Variants in FNDC3B observed in about 807,000 individuals in gnomAD.
The protein encoded by FNDC3B is fibronectin type III domain-containing protein 3B.
In FNDC3B, 12 loss-of-function variants were observed where a neutral mutation model predicts 151.5. The observed-to-expected ratio is 0.08, with a 90% CI of 0.05 to 0.13. The LOEUF (loss-of-function observed/expected upper bound fraction) is 0.13, where lower values mean the gene tolerates loss of function less well. Among genes scored for constraint, FNDC3B ranks in the 10% least tolerant of loss-of-function variants. The probability of loss-of-function intolerance (pLI) is 1.00; values close to 1 mark genes in which losing one functional copy is unlikely to be tolerated. For synonymous variants in FNDC3B, 528 were observed against 549.0 expected, an observed-to-expected ratio of 0.96 and a Z score of 0.54; for missense variants, 1,214 against 1,505.3, an observed-to-expected ratio of 0.81 and a Z score of 3.20.
At chr3:172,304,697 G>C (rs1731102763) in intron 9 of FNDC3B, among the ~76,000 whole-genome samples, 1 of 152,102 alleles carries the variant, frequency 6.6e-6, no homozygotes, top group Non-Finnish European at 1.5e-5. Flanking sequence ...AGGTGTTCAA[G>C]ACCAGCCTGG....
At chr3:172,387,336 G>C (rs148676746) in intron 25 of FNDC3B, among the ~76,000 whole-genome samples, 1,937 of 152,122 alleles carry the variant, frequency 0.013, 44 homozygotes, top group African/African-American at 0.044. Context: ...AACCTCCAGT[G>C]ATCCACCCGC....
chr3:172,163,660 A>G (rs914988288), intron 3 of FNDC3B, among the ~76,000 whole-genome samples: 1 of 151,596 alleles, frequency 6.6e-6, no homozygotes, highest in South Asian at 2.1e-4. Context: ...CTGTTCGTTC[A>G]TTTTTTTTCT....
intron 25 of FNDC3B, among the ~76,000 whole-genome samples, chr3:172,394,107 A>T (rs1357401124): frequency 3.1e-4 from 14 of 45,542 alleles, no homozygotes; most frequent in Admixed American, 2.9e-4. Context: ...GACTCCTTCT[A>T]AAAAAAAAAA....
chr3:172,251,538 C>G lies in FNDC3B; in HGVS notation c.787C>G (p.Gln263Glu). The G allele has an allele frequency of 6.2e-7, 1 of 1,608,352 alleles. No individual in the cohort carries two copies. The highest frequency in any genetic ancestry group is 2.2e-5 in the East Asian group (1 of 44,788). ...SSPKSNDSDL[Q>E]EYELEVKRVQ... ...CCCAAAGTCGAATGATTCAGACTTGCAAGGTAATACTCAAGATGTTTGCCA... is the reference window on the plus strand; with the variant it reads ...CCCAAAGTCGAATGATTCAGACTTGGAAGGTAATACTCAAGATGTTTGCCA... Residue 263 changes from glutamine to glutamate, a missense_variant, in exon 6 of 26, where the codon CAA (glutamine) becomes GAA (glutamate). Gln to Glu is a conservative substitution (Grantham distance 29). Around this residue, in one of 7 missense-constraint regions of FNDC3B, gnomAD observed 166 missense variants for 173.2 expected, o/e 0.96. Transcript: ENST00000415807.
intron 4 of FNDC3B, among the ~76,000 whole-genome samples, chr3:172,231,837 T>TA (rs891321398): frequency 1.3e-5 from 2 of 150,170 alleles, no homozygotes; most frequent in African/African-American, 4.9e-5. Context: ...TCTCCATTTC[T>TA]AAAACACCAA....
At chr3:172,104,163 TG>T (rs1378794353) in intron 1 of FNDC3B, among the ~76,000 whole-genome samples, 3 of 152,192 alleles carry the variant, frequency 2.0e-5, no homozygotes, top group Non-Finnish European at 4.4e-5. Context: ...AGTTTTTTTA[TG>T]TGTCTTTTTT....
chr3:172,362,597 C>A, intron 22 of FNDC3B, 36 bp from the exon 23 acceptor site: 2 of 1,461,796 alleles, frequency 1.4e-6, no homozygotes, highest in Non-Finnish European at 1.9e-6. Context: ...GCTGCTTTAA[C>A]CTGCATTGTC....
intron 3 of FNDC3B, among the ~76,000 whole-genome samples, chr3:172,190,756 C>T (rs1477932738): frequency 6.6e-6 from 1 of 152,220 alleles, no homozygotes; most frequent in Non-Finnish European, 1.5e-5. Context: ...GCAACCTCCA[C>T]CTCCTGGGTT....
At chr3:172,289,011 A>G (rs1305837892) in intron 7 of FNDC3B, among the ~76,000 whole-genome samples, 1 of 152,176 alleles carries the variant, frequency 6.6e-6, no homozygotes, top group Non-Finnish European at 1.5e-5. Context: ...TATGTTTCCT[A>G]TTGCTGCTGT....
intron 23 of FNDC3B, among the ~76,000 whole-genome samples, chr3:172,366,904 T>C (rs1734651365): frequency 6.6e-6 from 1 of 152,220 alleles, no homozygotes; most frequent in Non-Finnish European, 1.5e-5. Flanking sequence ...AAAGGTGCCC[T>C]GAGTCTTTCT....
chr3:172,209,970 C>G (rs555490590), intron 3 of FNDC3B, among the ~76,000 whole-genome samples: 24 of 152,364 alleles, frequency 1.6e-4, no homozygotes, highest in African/African-American at 5.5e-4. Context: ...GCAACAGTGC[C>G]CAGGCTCAGC....
At chr3:172,356,672 A>T (rs567991225) in intron 22 of FNDC3B, among the ~76,000 whole-genome samples, 1 of 152,218 alleles carries the variant, frequency 6.6e-6, no homozygotes, top group Non-Finnish European at 1.5e-5. Context: ...GAAGCCTTCT[A>T]TGAATAACTT....
chr3:172,133,579 A>G, intron 3 of FNDC3B, 33 bp downstream of exon 3: 1 of 1,483,822 alleles, frequency 6.7e-7, no homozygotes, highest in Non-Finnish European at 9.4e-7. Flanking sequence ...TTCTAATCAA[A>G]GATTTTTTTC....
Position 172,119,169 on chromosome 3 carries a change from TAAAAAAAAAAAA to T in FNDC3B, c.111+6591_111+6602del, listed in dbSNP as rs555243695. Reference sequence around the variant, plus strand: ...TGGGTGACACAGTGAGACTCTGCCTTAAAAAAAAAAAAAAAAAAAAAAAGAATGAGAGGATAG... The same window carrying T: ...TGGGTGACACAGTGAGACTCTGCCTTAAAAAAAAAAAGAATGAGAGGATAG... On this transcript the variant is annotated intron_variant, in intron 2 of 25. Coordinates refer to ENST00000415807, the MANE Select transcript of FNDC3B (RefSeq NM_022763.4). Among the ~76,000 whole-genome samples the T allele has an allele frequency of 2.9e-5, 3 of 102,198 alleles. No homozygotes were observed. The South Asian group carries it at 9.3e-4, about 32-fold the overall frequency. 67.0% of individuals were successfully genotyped at this position (102,198 alleles called of 152,430 possible). A position where few individuals can be genotyped will look rare whatever the true frequency, so the allele number is the denominator to read the frequency against.
At chr3:172,133,039 A>G (rs1157670612) in intron 2 of FNDC3B, among the ~76,000 whole-genome samples, 1 of 152,208 alleles carries the variant, frequency 6.6e-6, no homozygotes. Flanking sequence ...GTTGTCACAC[A>G]ATAGAATCAT....
At chr3:172,355,255 C>T (rs909474828) in intron 22 of FNDC3B, among the ~76,000 whole-genome samples, 1 of 152,186 alleles carries the variant, frequency 6.6e-6, no homozygotes, top group Non-Finnish European at 1.5e-5. Flanking sequence ...AATCGGATCA[C>T]CTGGTATCAC....
intron 6 of FNDC3B, among the ~76,000 whole-genome samples, chr3:172,273,806 A>ATC: frequency 6.6e-6 from 1 of 152,350 alleles, no homozygotes; most frequent in Non-Finnish European, 1.5e-5. Context: ...ACAGAAAAAC[A>ATC]TCTGGAGCCG....
rs970618190 is a variant in FNDC3B, at chr3:172,040,309, C to T, written c.-29+538C>T. 6.6e-6 allele frequency among the ~76,000 whole-genome samples: 1 copy of T among 151,908 alleles called. No homozygotes were observed. The highest frequency in any genetic ancestry group is 2.4e-5 in the African/African-American group (1 of 41,378). ...TGCGAAGTGGGGCTGGAAGTTGGGG[C>T]CGCCTCTCCGCGCCGGCGGGGGCGG... On this transcript the variant is annotated intron_variant, in intron 1 of 25. Coordinates refer to ENST00000415807, the MANE Select transcript of FNDC3B (RefSeq NM_022763.4). This position sits in a 1 kb window ranked among gnomAD's most constrained non-coding sequence, Gnocchi z 6.6.
At chr3:172,348,004 C>T (rs1239903524) in intron 21 of FNDC3B, among the ~76,000 whole-genome samples, 1 of 152,164 alleles carries the variant, frequency 6.6e-6, no homozygotes, top group African/African-American at 2.4e-5. Flanking sequence ...TGTGTAAAGC[C>T]TTAGTCTCTT....
Sources: allele counts gnomAD v4.1 joint callset (sites outside exome capture counted in the v4.1 genomes callset), GRCh38; gene constraint gnomAD v4.1.1; regional missense constraint gnomAD v4.1.1; non-coding constraint Gnocchi (gnomAD v3.1); transcripts MANE v1.5; gene names NCBI Gene and HGNC (gene_info 2026-07-23, HGNC 2026-07-21).